Variants in LEKR1 observed in about 807,000 individuals in gnomAD.
LEKR1 encodes leucine, glutamate and lysine rich 1, also known as protein LEKR1.
A neutral mutation model predicts 72.4 loss-of-function variants in LEKR1; 59 were observed. The ratio of observed to expected loss-of-function variants is 0.82; its 90% CI spans 0.66 to 1.01. The LOEUF (loss-of-function observed/expected upper bound fraction) is 1.01. Among genes scored for constraint, LEKR1 ranks in the 50% least tolerant of loss-of-function variants. The probability of loss-of-function intolerance (pLI) is 0.00; values close to 1 mark genes in which losing one functional copy is unlikely to be tolerated. For synonymous variants in LEKR1, 257 were observed against 263.2 expected (o/e 0.98, Z 0.23); for missense variants, 728 against 759.2 (o/e 0.96, Z 0.48).
rs191886822 is a variant in LEKR1 at position 156,936,256 on chromosome 3, A to G, written c.560-6273A>G. Among the ~76,000 whole-genome samples, 10 of 152,212 alleles carry G rather than the reference A, an allele frequency of 6.6e-5. No homozygotes were observed. The East Asian group carries it at 1.4e-3, about 21-fold the overall frequency. ...GTCTGGAGAAGGGCCGCACAAACCA[A>G]TATGTCTGCACTCAACCACACTGGC... On this transcript the variant is annotated intron_variant, in intron 5 of 12. Coordinates refer to ENST00000356539, the MANE Select transcript of LEKR1 (RefSeq NM_001004316.3).
At chr3:157,009,135 A>G (rs2108021295) in intron 9 of LEKR1, among the ~76,000 whole-genome samples, 1 of 152,246 alleles carries the variant, frequency 6.6e-6, no homozygotes, top group Admixed American at 6.5e-5. Flanking sequence ...TATTCTATAG[A>G]AGTATTATGT....
intron 11 of LEKR1, among the ~76,000 whole-genome samples, chr3:157,025,390 T>C (rs567327303): frequency 1.3e-5 from 2 of 152,180 alleles, no homozygotes; most frequent in Non-Finnish European, 2.9e-5. Context: ...TTAAACAGTA[T>C]GTTCTAAATA....
intron 7 of LEKR1, chr3:156,979,956 G>T (rs890220145): frequency 6.6e-6 from 1 of 152,152 alleles, no homozygotes; most frequent in African/African-American, 2.4e-5. Flanking sequence ...TGAAGCTACA[G>T]TGAACCATGA....
chr3:156,937,366 T>C (rs73027772), intron 5 of LEKR1, among the ~76,000 whole-genome samples: 1 of 152,148 alleles, frequency 6.6e-6, no homozygotes, highest in East Asian at 1.9e-4. Flanking sequence ...GCAAAAGATA[T>C]CAGTAGAAAT....
intron 3 of LEKR1, among the ~76,000 whole-genome samples, chr3:156,875,350 T>C (rs552604941): frequency 6.6e-6 from 1 of 152,332 alleles, no homozygotes; most frequent in South Asian, 2.1e-4. Flanking sequence ...TTCATGTCCT[T>C]AGCCCACTTT....
chr3:156,896,370 A>T (rs1721186060), intron 3 of LEKR1, among the ~76,000 whole-genome samples: 2 of 152,212 alleles, frequency 1.3e-5, no homozygotes, highest in Admixed American at 6.5e-5. Context: ...TGAAAAAAAT[A>T]ATAAATAAAA....
At chr3:156,974,862 C>A (rs912202474) in intron 6 of LEKR1, among the ~76,000 whole-genome samples, 45 of 152,206 alleles carry the variant, frequency 3.0e-4, no homozygotes, top group African/African-American at 1.0e-3. Flanking sequence ...ATTAACACTT[C>A]CATTTTTACT....
In LEKR1 at chr3:157,020,478, T is replaced by C. The variant is rs192667714; in HGVS notation, c.1204-4282T>C. On this transcript the variant is annotated intron_variant, in intron 10 of 12. Coordinates refer to ENST00000356539, the MANE Select transcript of LEKR1 (RefSeq NM_001004316.3). Reference sequence around the variant, plus strand: ...AGAGTGTGATGTTCCCCTTCCTGTGTCCATGTGTTCTCGTTGTTCAATTGC... The same window carrying C: ...AGAGTGTGATGTTCCCCTTCCTGTGCCCATGTGTTCTCGTTGTTCAATTGC... Among the ~76,000 whole-genome samples the C allele has an allele frequency of 2.5e-3, 333 of 132,524 alleles. 5 individuals are homozygous for C. Among genetic ancestry groups the C allele is most frequent in the African/African-American group, 8.9e-3 (312 of 34,906 alleles). The allele number at this position is 132,524 out of a possible 152,430, so 86.9% of individuals were successfully genotyped here. A position where few individuals can be genotyped will look rare whatever the true frequency, so the allele number is the denominator to read the frequency against.
chr3:157,042,225 A>G (rs1339912612), intron 12 of LEKR1, among the ~76,000 whole-genome samples: 1 of 152,210 alleles, frequency 6.6e-6, no homozygotes, highest in African/African-American at 2.4e-5. Flanking sequence ...CCTATTTTCA[A>G]TTCAGGGGTC....
chr3:156,945,197 T>C (rs1315598126), intron 6 of LEKR1, among the ~76,000 whole-genome samples: 1 of 151,946 alleles, frequency 6.6e-6, no homozygotes, highest in Non-Finnish European at 1.5e-5. Context: ...CATATACCTG[T>C]TTGCCATTTG....
At chr3:156,850,946 T>C (rs1160032646) in intron 2 of LEKR1, among the ~76,000 whole-genome samples, 1 of 152,206 alleles carries the variant, frequency 6.6e-6, no homozygotes, top group Non-Finnish European at 1.5e-5. Flanking sequence ...CCAGTTATAG[T>C]ATATAAAAGC....
intron 3 of LEKR1, among the ~76,000 whole-genome samples, 152 bp from the exon 4 acceptor site, chr3:156,920,423 T>G (rs1724083855): frequency 6.6e-6 from 1 of 152,146 alleles, no homozygotes; most frequent in Non-Finnish European, 1.5e-5. Flanking sequence ...AGATTTGGTC[T>G]CTCCATATTT....
At chr3:156,948,501 A>G (rs1202912906) in intron 6 of LEKR1, among the ~76,000 whole-genome samples, 1 of 151,160 alleles carries the variant, frequency 6.6e-6, no homozygotes, top group Non-Finnish European at 1.5e-5. Context: ...TTCATATCTT[A>G]TTAAATTCAT....
At chr3:157,006,478 G>T (rs1732447848) in intron 9 of LEKR1, among the ~76,000 whole-genome samples, 1 of 152,156 alleles carries the variant, frequency 6.6e-6, no homozygotes. Flanking sequence ...TACCTACCTT[G>T]TTACCCAGCC....
chr3:156,893,712 T>C (rs766332319), intron 3 of LEKR1, among the ~76,000 whole-genome samples: 2 of 152,220 alleles, frequency 1.3e-5, no homozygotes, highest in Non-Finnish European at 2.9e-5. Context: ...GCTGAAACCA[T>C]GCTCTTACAG....
At chr3:156,839,795 T>C (rs1713658462) in intron 2 of LEKR1, among the ~76,000 whole-genome samples, 1 of 152,208 alleles carries the variant, frequency 6.6e-6, no homozygotes, top group African/African-American at 2.4e-5. Flanking sequence ...AACCTTCCTA[T>C]GATATGGGCG....
chr3:156,898,662 A>T (rs1477697599), intron 3 of LEKR1, among the ~76,000 whole-genome samples: 2 of 152,186 alleles, frequency 1.3e-5, no homozygotes, highest in East Asian at 3.8e-4. Flanking sequence ...GAAGCATTAC[A>T]GGAAAAAAAA....
At chr3:157,010,906 T>G (rs1247884978) in intron 9 of LEKR1, among the ~76,000 whole-genome samples, 1 of 152,104 alleles carries the variant, frequency 6.6e-6, no homozygotes, top group Non-Finnish European at 1.5e-5. Flanking sequence ...CTACTTAATT[T>G]GGTTTGTTCC....
chr3:157,005,595 T>C (rs11710103), intron 9 of LEKR1, among the ~76,000 whole-genome samples: 10,807 of 152,032 alleles, frequency 0.071, 414 homozygotes, highest in Non-Finnish European at 0.084. Flanking sequence ...AGATAACATA[T>C]AAAAGGAAAT....
Sources: gnomAD v4.1 joint callset for allele counts (sites outside exome capture counted in the v4.1 genomes callset) on GRCh38, gnomAD v4.1.1 for gene constraint, MANE v1.5 for transcripts, NCBI Gene and HGNC (gene_info 2026-07-23, HGNC 2026-07-21) for gene names.